Variants in PRDM6 observed in about 807,000 individuals in gnomAD.
The protein encoded by PRDM6 is putative histone-lysine N-methyltransferase PRDM6.
A neutral mutation model predicts 60.8 loss-of-function variants in PRDM6; 25 were observed. That is an observed-to-expected ratio of 0.41 (90% CI 0.30 to 0.57). The LOEUF (loss-of-function observed/expected upper bound fraction) is 0.57, where lower values mean the gene tolerates loss of function less well. Ranked by LOEUF, PRDM6 falls within the 20% of genes least tolerant of loss-of-function variation. The pLI, the probability that PRDM6 is intolerant of heterozygous loss-of-function variation, is 0.27. For missense variants in PRDM6, 839 were observed against 821.3 expected (o/e 1.02, Z -0.26); for synonymous variants, 407 against 357.4 (o/e 1.14, Z -1.57).
chr5:123,129,870 A>G (rs982734675), intron 3 of PRDM6, among the ~76,000 whole-genome samples: 3 of 152,322 alleles, frequency 2.0e-5, no homozygotes, highest in Non-Finnish European at 4.4e-5. Context: ...AGAAAATTCA[A>G]TATTTCAAAC....
At position 123,192,410 on chromosome 5, in the gene PRDM6, T is replaced by C. The variant is rs536274403; in HGVS notation, c.*5209T>C. The C allele has an allele frequency of 1.8e-4, 28 of 152,344 alleles. No individual in the cohort carries two copies. In the South Asian group the frequency reaches 5.8e-3, roughly 32 times the overall value. The allele number at this position is 152,344 out of a possible 1,614,324, so 9.4% of individuals were successfully genotyped here. ...AGCTTTTTTTTGAGAACAAGAGCTTTTAAAAATTAATAAACACAAGTATAA... is the reference window on the plus strand; with the variant it reads ...AGCTTTTTTTTGAGAACAAGAGCTTCTAAAAATTAATAAACACAAGTATAA... On this transcript the variant is annotated 3_prime_UTR_variant, in exon 8 of 8. Coordinates refer to ENST00000407847, the MANE Select transcript of PRDM6 (RefSeq NM_001136239.4).
intron 3 of PRDM6, among the ~76,000 whole-genome samples, chr5:123,104,430 G>A (rs1194441181): frequency 6.6e-6 from 1 of 151,930 alleles, no homozygotes; most frequent in Non-Finnish European, 1.5e-5. Context: ...TCACTTAAAA[G>A]TTGTCGCAGT....
Position 123,189,379 on chromosome 5 carries a change from C to T in PRDM6, c.*2178C>T, listed in dbSNP as rs1260981201. On this transcript the variant is annotated 3_prime_UTR_variant, in exon 8 of 8. Coordinates refer to ENST00000407847, the MANE Select transcript of PRDM6 (RefSeq NM_001136239.4). ...TTTTCATTTGAAAAATCAGCTCAGCCATTTGCCACATTTCACAGTGGAACA... is the reference window on the plus strand; with the variant it reads ...TTTTCATTTGAAAAATCAGCTCAGCTATTTGCCACATTTCACAGTGGAACA... 1 of 152,094 alleles carries T rather than the reference C, an allele frequency of 6.6e-6. No homozygotes were observed. The highest frequency in any genetic ancestry group is 6.5e-5 in the Admixed American group (1 of 15,268). The allele number at this position is 152,094 out of a possible 1,614,324, so 9.4% of individuals were successfully genotyped here.
At chr5:123,160,388 A>G (rs1314029010) in intron 5 of PRDM6, among the ~76,000 whole-genome samples, 2 of 152,264 alleles carry the variant, frequency 1.3e-5, no homozygotes, top group Non-Finnish European at 2.9e-5. Flanking sequence ...TTATTCTGAT[A>G]TGCTTCAGTG....
chr5:123,103,339 A>G (rs1244859333), intron 3 of PRDM6, among the ~76,000 whole-genome samples: 3 of 152,066 alleles, frequency 2.0e-5, no homozygotes, highest in Non-Finnish European at 4.4e-5. Context: ...TTTTTAAACA[A>G]TAATAAATTC....
At chr5:123,135,592 T>A (rs1286328587) in intron 3 of PRDM6, among the ~76,000 whole-genome samples, 8 of 151,846 alleles carry the variant, frequency 5.3e-5, no homozygotes, top group Admixed American at 4.6e-4. Flanking sequence ...ACAACCACCC[T>A]CCCTCCACCC....
At chr5:123,153,478 G>C (rs1348364716) in intron 3 of PRDM6, among the ~76,000 whole-genome samples, 1 of 152,104 alleles carries the variant, frequency 6.6e-6, no homozygotes, top group African/African-American at 2.4e-5. Context: ...GTAGTCGTGG[G>C]GTTTAAGTAG....
chr5:123,118,697 A>G (rs997488470), intron 3 of PRDM6, among the ~76,000 whole-genome samples: 1 of 152,342 alleles, frequency 6.6e-6, no homozygotes. Flanking sequence ...AATGTCTTAC[A>G]TTTGGTAGCA....
At position 123,187,178 on chromosome 5, in the gene PRDM6, C is replaced by A; in HGVS notation, c.1765C>A (p.Pro589Thr). ...PNECKPITES[P>T]ESIEVD ...TGAGTGCAAGCCAATAACTGAGAGC[C>A]CAGAATCAATCGAAGTGGATTAACG... Residue 589 changes from proline to threonine, a missense_variant, in exon 8 of 8, where the codon CCA (proline) becomes ACA (threonine). Physicochemically the swap from Pro to Thr is conservative, Grantham distance 38. Around this residue, in one of 2 missense-constraint regions of PRDM6, gnomAD observed 109 missense variants for 172.6 expected, o/e 0.63. Transcript: ENST00000407847. 6.4e-7 allele frequency: 1 copy of A among 1,551,156 alleles called. No homozygotes were observed. Among genetic ancestry groups the A allele is most frequent in the African/African-American group, 1.4e-5 (1 of 73,104 alleles).
At chr5:123,112,262 G>C (rs1043553564) in intron 3 of PRDM6, among the ~76,000 whole-genome samples, 1 of 152,272 alleles carries the variant, frequency 6.6e-6, no homozygotes, top group East Asian at 1.9e-4. Context: ...CACACCTTAA[G>C]TCCCTAAGCT....
At chr5:123,155,430 G>C (rs759186400) in intron 3 of PRDM6, among the ~76,000 whole-genome samples, 30 of 151,586 alleles carry the variant, frequency 2.0e-4, no homozygotes, top group Admixed American at 1.1e-3. Context: ...CTTCTGCTGG[G>C]TGTCGCCCAG....
intron 3 of PRDM6, among the ~76,000 whole-genome samples, chr5:123,103,730 G>A (rs964396236): frequency 1.3e-5 from 2 of 151,900 alleles, no homozygotes; most frequent in African/African-American, 4.8e-5. Flanking sequence ...AATGTACCCA[G>A]TGTATACTTA....
chr5:123,096,402 A>C (rs35796985), intron 2 of PRDM6, among the ~76,000 whole-genome samples: 1 of 152,178 alleles, frequency 6.6e-6, no homozygotes, highest in African/African-American at 2.4e-5. Flanking sequence ...TGTCTTCTTA[A>C]GCATATTTGT....
chr5:123,115,352 G>A (rs1478230891), intron 3 of PRDM6, among the ~76,000 whole-genome samples: 1 of 152,144 alleles, frequency 6.6e-6, no homozygotes, highest in East Asian at 1.9e-4. Context: ...TCCAAGGAAA[G>A]GGATGCCTAA....
chr5:123,128,242 T>C (rs908545740), intron 3 of PRDM6, among the ~76,000 whole-genome samples: 1 of 152,220 alleles, frequency 6.6e-6, no homozygotes, highest in Admixed American at 6.5e-5. Flanking sequence ...TGTGCATGTG[T>C]CTTTATAGTA....
intron 3 of PRDM6, among the ~76,000 whole-genome samples, chr5:123,141,063 C>T (rs1580512034): frequency 6.6e-6 from 1 of 151,846 alleles, no homozygotes; most frequent in Non-Finnish European, 1.5e-5. Context: ...AAGCCATGTG[C>T]AATTTATCAT....
intron 2 of PRDM6, among the ~76,000 whole-genome samples, chr5:123,098,396 C>T (rs996615216): frequency 3.9e-5 from 6 of 152,334 alleles, no homozygotes; most frequent in Non-Finnish European, 7.4e-5. Flanking sequence ...CGGCGGGCGC[C>T]GAGGCCACCT....
rs1207045077 is a variant in PRDM6 at position 123,099,774 on chromosome 5, C to G, written c.713C>G (p.Pro238Arg). The change falls in exon 3 of 8, where the codon CCG becomes CGG. Residue 238 changes from proline (P) to arginine (R), a missense_variant. Around this residue, in one of 2 missense-constraint regions of PRDM6, gnomAD observed 730 missense variants for 648.8 expected, o/e 1.13. Coordinates refer to ENST00000407847, the MANE Select transcript of PRDM6 (RefSeq NM_001136239.4). This position sits in a 1 kb window ranked among gnomAD's most constrained non-coding sequence, Gnocchi z 4.0. ...AAAAAPPPEL[P>R]EWLRDLPREV... ...GCCGCCGCGCCCCCGCCGGAGCTGC[C>G]GGAGTGGCTGCGGGACCTGCCTCGC... 7 of 1,547,768 alleles carry G rather than the reference C, an allele frequency of 4.5e-6. No homozygotes were observed. Among genetic ancestry groups the G allele is most frequent in the Non-Finnish European group, 5.2e-6 (6 of 1,145,590 alleles).
intron 3 of PRDM6, among the ~76,000 whole-genome samples, chr5:123,155,346 T>G (rs1765468668): frequency 6.8e-6 from 1 of 147,490 alleles, no homozygotes; most frequent in Admixed American, 7.0e-5. Context: ...TTCTTTGAGG[T>G]GAGAGTCCAT....
Sources: allele counts gnomAD v4.1 joint callset (sites outside exome capture counted in the v4.1 genomes callset), GRCh38; gene constraint gnomAD v4.1.1; regional missense constraint gnomAD v4.1.1; non-coding constraint Gnocchi (gnomAD v3.1); transcripts MANE v1.5; gene names NCBI Gene and HGNC (gene_info 2026-07-23, HGNC 2026-07-21).